COL21A1: variants seen among roughly 807,000 people sequenced by gnomAD.
COL21A1 encodes collagen type XXI alpha 1 chain.
In COL21A1, 149 loss-of-function variants were observed where a neutral mutation model predicts 137.9. The ratio of observed to expected loss-of-function variants is 1.08; its 90% CI spans 0.95 to 1.24. The LOEUF is 1.24. Among genes scored for constraint, COL21A1 ranks in the 50% most tolerant of loss-of-function variants. The pLI, the probability that COL21A1 is intolerant of heterozygous loss-of-function variation, is 0.00. For synonymous variants in COL21A1, 456 were observed against 391.5 expected, an observed-to-expected ratio of 1.16 and a Z score of -1.95; for missense variants, 1,167 against 1,158.4, an observed-to-expected ratio of 1.01 and a Z score of -0.11.
chr6:56,081,711 G>A (rs1271509111), intron 17 of COL21A1, among the ~76,000 whole-genome samples: 1 of 151,440 alleles, frequency 6.6e-6, no homozygotes, highest in Non-Finnish European at 1.5e-5. Context: ...GAAATGAACA[G>A]TTTTCTATTC....
At chr6:56,276,676 T>A (rs1183706196) in intron 1 of COL21A1, 2 of 1,441,228 alleles carry the variant, frequency 1.4e-6, no homozygotes, top group Non-Finnish European at 1.9e-6. Context: ...TCCTGCATGA[T>A]CCTTGTCACA....
intron 17 of COL21A1, among the ~76,000 whole-genome samples, chr6:56,090,760 A>G (rs1295102387): frequency 6.6e-6 from 1 of 151,706 alleles, no homozygotes; most frequent in African/African-American, 2.4e-5. Context: ...AATAATAAAT[A>G]CAATTGAATT....
intron 1 of COL21A1, among the ~76,000 whole-genome samples, chr6:56,307,175 C>T (rs946314276): frequency 3.9e-5 from 6 of 152,206 alleles, no homozygotes; most frequent in Admixed American, 1.3e-4. Context: ...GGGTCAGGGA[C>T]CCACTTGAGG....
At chr6:56,285,353 G>C (rs1009799580) in intron 1 of COL21A1, among the ~76,000 whole-genome samples, 1 of 152,114 alleles carries the variant, frequency 6.6e-6, no homozygotes, top group Admixed American at 6.5e-5. Flanking sequence ...AAATGTGATA[G>C]GTTCTTCTTC....
chr6:56,216,717 G>T (rs1328792973), intron 1 of COL21A1, among the ~76,000 whole-genome samples: 1 of 152,032 alleles, frequency 6.6e-6, no homozygotes, highest in Non-Finnish European at 1.5e-5. Flanking sequence ...GAATATTGAA[G>T]CTATACTTTC....
intron 1 of COL21A1, among the ~76,000 whole-genome samples, chr6:56,231,495 C>G (rs1212902565): frequency 6.6e-6 from 1 of 151,788 alleles, no homozygotes; most frequent in African/African-American, 2.4e-5. Context: ...GGAATTTGAG[C>G]AAGAAAACAA....
rs534867310 is a variant in COL21A1 at position 56,058,159 on chromosome 6, C to A, written c.2687-315G>T. ...GTGTATTGTCCAATCTTATTTCTTC[C>A]TTTCAGCCTATCTTTTACCAATATT... On this transcript the variant is annotated intron_variant, in intron 29 of 29. Transcript: ENST00000244728. 5.9e-5 allele frequency among the ~76,000 whole-genome samples: 9 copies of A among 152,168 alleles called. No individual in the cohort carries two copies. The South Asian group carries it at 1.7e-3, about 28-fold the overall frequency.
chr6:56,209,749 C>T (rs1780037095), intron 1 of COL21A1, among the ~76,000 whole-genome samples: 1 of 152,118 alleles, frequency 6.6e-6, no homozygotes, highest in Non-Finnish European at 1.5e-5. Context: ...ACTAGAAATA[C>T]CATTTGACCC....
chr6:56,345,540 G>A (rs1385971452), intron 1 of COL21A1, among the ~76,000 whole-genome samples: 1 of 152,160 alleles, frequency 6.6e-6, no homozygotes, highest in Non-Finnish European at 1.5e-5. Context: ...TTTTGATGTT[G>A]AAACCAATGC....
chr6:56,332,044 G>A (rs551464684), intron 1 of COL21A1: 3 of 152,292 alleles, frequency 2.0e-5, no homozygotes, highest in Non-Finnish European at 2.9e-5. Flanking sequence ...TTATAACACA[G>A]AAGTGATGTT....
intron 1 of COL21A1, among the ~76,000 whole-genome samples, chr6:56,185,426 C>CTTTTTTCT (rs1554157703): frequency 3.0e-5 from 3 of 100,170 alleles, no homozygotes; most frequent in African/African-American, 1.2e-4. Flanking sequence ...AATGAACAGT[C>CTTTTTTCT]TTTTTTTTTT....
intron 17 of COL21A1, among the ~76,000 whole-genome samples, chr6:56,086,020 T>G (rs1488960731): frequency 6.6e-6 from 1 of 150,492 alleles, no homozygotes; most frequent in East Asian, 1.9e-4. Context: ...TAAGTGAGAC[T>G]CTCCTGAAAA....
chr6:56,306,583 A>C (rs538645144), intron 1 of COL21A1, among the ~76,000 whole-genome samples: 3 of 152,092 alleles, frequency 2.0e-5, no homozygotes, highest in South Asian at 4.2e-4. Flanking sequence ...CAGCTCCATC[A>C]GGTCTTTTAA....
chr6:56,332,475 C>CTTTT (rs10641923), intron 1 of COL21A1, among the ~76,000 whole-genome samples: 125 of 142,958 alleles, frequency 8.7e-4, no homozygotes, highest in East Asian at 2.0e-3. Context: ...TTGGGTAAAA[C>CTTTT]ATTTTTTTTT....
At chr6:56,068,549 G>A (rs1442487255) in intron 22 of COL21A1, among the ~76,000 whole-genome samples, 1 of 151,452 alleles carries the variant, frequency 6.6e-6, no homozygotes, top group Non-Finnish European at 1.5e-5. Flanking sequence ...TATTTGACTT[G>A]CATTTTTAAA....
chr6:56,201,560 G>A (rs9475617), intron 1 of COL21A1, among the ~76,000 whole-genome samples: 3,291 of 152,166 alleles, frequency 0.022, 122 homozygotes, highest in African/African-American at 0.075. Flanking sequence ...ATTAAATAGG[G>A]AATCCTTTCC....
At chr6:56,110,110 T>C (rs1310915858) in intron 16 of COL21A1, among the ~76,000 whole-genome samples, 1 of 151,948 alleles carries the variant, frequency 6.6e-6, no homozygotes, top group Non-Finnish European at 1.5e-5. Context: ...TTGAATCCAG[T>C]AATGTATAAA....
chr6:56,098,630 T>TATATAA (rs1770050733), intron 17 of COL21A1, among the ~76,000 whole-genome samples: 3 of 37,814 alleles, frequency 7.9e-5, no homozygotes, highest in Non-Finnish European at 1.2e-4. Flanking sequence ...TATATAAATA[T>TATATAA]ATATATAAAT....
chr6:56,193,764 T>G (rs1314042388), intron 1 of COL21A1, among the ~76,000 whole-genome samples: 2 of 111,284 alleles, frequency 1.8e-5, no homozygotes, highest in Non-Finnish European at 3.7e-5. Context: ...TTTTTTGTTT[T>G]TTTTTTTTTT....
Sources: gnomAD v4.1 joint callset for allele counts (sites outside exome capture counted in the v4.1 genomes callset) on GRCh38, gnomAD v4.1.1 for gene constraint, MANE v1.5 for transcripts, NCBI Gene and HGNC (gene_info 2026-07-23, HGNC 2026-07-21) for gene names.